GRID1: variants seen among roughly 807,000 people sequenced by gnomAD.
GRID1 encodes the protein glutamate ionotropic receptor delta type subunit 1, also known as glutamate receptor ionotropic, delta-1.
A neutral mutation model predicts 98.0 loss-of-function variants in GRID1; 28 were observed. The observed-to-expected ratio is 0.29, with a 90% confidence interval of 0.21 to 0.39. GRID1 has a LOEUF of 0.39. Among genes scored for constraint, GRID1 ranks in the 10% least tolerant of loss-of-function variants. GRID1 has a pLI of 1.00. For synonymous variants in GRID1, 553 were observed against 538.5 expected, an observed-to-expected ratio of 1.03 and a Z score of -0.37; for missense variants, 1,111 against 1,340.5, an observed-to-expected ratio of 0.83 and a Z score of 2.67.
At chr10:85,678,769 G>A (rs951107404) in intron 12 of GRID1, among the ~76,000 whole-genome samples, 3 of 151,740 alleles carry the variant, frequency 2.0e-5, no homozygotes, top group South Asian at 2.1e-4. Context: ...TGCCACCACC[G>A]CCTCTACAAT....
At chr10:85,824,501 C>T (rs1283782678) in intron 8 of GRID1, among the ~76,000 whole-genome samples, 2 of 152,230 alleles carry the variant, frequency 1.3e-5, no homozygotes, top group East Asian at 3.8e-4. Context: ...CATGTGCCAC[C>T]ATGCCCAGCC....
chr10:85,695,171 G>T (rs999889226), intron 12 of GRID1, among the ~76,000 whole-genome samples: 1 of 152,102 alleles, frequency 6.6e-6, no homozygotes, highest in Non-Finnish European at 1.5e-5. Flanking sequence ...AGTCCTCAAT[G>T]AGAGTCATCT....
At chr10:86,104,601 C>G (rs1297556537) in intron 4 of GRID1, among the ~76,000 whole-genome samples, 1 of 152,234 alleles carries the variant, frequency 6.6e-6, no homozygotes, top group Non-Finnish European at 1.5e-5. Context: ...GAGAACATTT[C>G]CATGCCATAC....
chr10:86,211,595 T>C (rs1234705278), intron 2 of GRID1, among the ~76,000 whole-genome samples: 1 of 152,130 alleles, frequency 6.6e-6, no homozygotes, highest in Non-Finnish European at 1.5e-5. Flanking sequence ...CATCCAGGCT[T>C]TTCCAGACAG....
chr10:85,803,762 A>T (rs1842597731), intron 8 of GRID1, among the ~76,000 whole-genome samples: 1 of 152,070 alleles, frequency 6.6e-6, no homozygotes, highest in Non-Finnish European at 1.5e-5. Context: ...GTTTTGATAC[A>T]AGCATCAATA....
intron 4 of GRID1, among the ~76,000 whole-genome samples, chr10:86,078,119 C>T (rs537638932): frequency 1.3e-5 from 2 of 152,374 alleles, no homozygotes; most frequent in South Asian, 2.1e-4. Context: ...CTGATCCTGC[C>T]CATCCATGGG....
chr10:86,161,747 G>C (rs1845326444), intron 3 of GRID1, among the ~76,000 whole-genome samples: 1 of 152,154 alleles, frequency 6.6e-6, no homozygotes, highest in East Asian at 1.9e-4. Context: ...TGGCTGACTT[G>C]CCTGAGCCAC....
At chr10:85,730,876 A>ATGCTGTGG (rs749007789) in intron 8 of GRID1, among the ~76,000 whole-genome samples, 18 of 152,156 alleles carry the variant, frequency 1.2e-4, no homozygotes, top group Non-Finnish European at 2.5e-4. Flanking sequence ...GCTGCTGCTA[A>ATGCTGTGG]TCCATGGACC....
At chr10:86,090,402 G>A (rs1473419212) in intron 4 of GRID1, among the ~76,000 whole-genome samples, 1 of 151,904 alleles carries the variant, frequency 6.6e-6, no homozygotes, top group Non-Finnish European at 1.5e-5. Flanking sequence ...AACACAGTGA[G>A]ACTGTGTCTT....
intron 12 of GRID1, among the ~76,000 whole-genome samples, chr10:85,684,480 A>G (rs1841246538): frequency 6.6e-6 from 1 of 152,172 alleles, no homozygotes. Context: ...TTAAAGTAGA[A>G]AAAACTATAA....
chr10:86,318,890 T>C (rs569062589), intron 2 of GRID1, among the ~76,000 whole-genome samples: 2 of 152,166 alleles, frequency 1.3e-5, no homozygotes, highest in South Asian at 4.2e-4. Flanking sequence ...AACAAGTAAA[T>C]ACATATACAT....
intron 5 of GRID1, among the ~76,000 whole-genome samples, chr10:85,905,887 C>A (rs922379286): frequency 1.3e-5 from 2 of 151,944 alleles, no homozygotes; most frequent in African/African-American, 4.8e-5. Context: ...AGAAGACAGC[C>A]TTGAACCTAA....
At chr10:85,843,920 C>CAATTGCTGTGTATA (rs1307906283) in intron 8 of GRID1, among the ~76,000 whole-genome samples, 1 of 151,998 alleles carries the variant, frequency 6.6e-6, no homozygotes, top group Non-Finnish European at 1.5e-5. Context: ...TATGACACAG[C>CAATTGCTGTGTATA]AATTGCACTC....
intron 12 of GRID1, among the ~76,000 whole-genome samples, chr10:85,705,933 A>AGC (rs1841511628): frequency 2.0e-5 from 3 of 152,226 alleles, no homozygotes; most frequent in African/African-American, 7.2e-5. Context: ...AAAAACTCTC[A>AGC]ATAAATTAGG....
chr10:85,901,132 T>A (rs1288288679), intron 5 of GRID1, among the ~76,000 whole-genome samples: 1 of 152,240 alleles, frequency 6.6e-6, no homozygotes, highest in Non-Finnish European at 1.5e-5. Context: ...TGTTTTTATT[T>A]ACTAAAGTAC....
intron 4 of GRID1, among the ~76,000 whole-genome samples, chr10:86,005,588 G>GTC (rs1177576188): frequency 6.6e-6 from 1 of 152,174 alleles, no homozygotes; most frequent in Non-Finnish European, 1.5e-5. Flanking sequence ...TAACCACCAG[G>GTC]ATGAGATAAG....
intron 5 of GRID1, among the ~76,000 whole-genome samples, chr10:85,877,414 G>A (rs1840910069): frequency 6.6e-6 from 1 of 152,134 alleles, no homozygotes; most frequent in South Asian, 2.1e-4. Flanking sequence ...ACTTCCAGAG[G>A]AACAATCAGG....
At chr10:85,848,715 A>G (rs1351194441) in intron 8 of GRID1, among the ~76,000 whole-genome samples, 2 of 152,178 alleles carry the variant, frequency 1.3e-5, no homozygotes, top group Non-Finnish European at 1.5e-5. Context: ...TGAACATTCT[A>G]CCCTTAATGG....
At chr10:85,729,712 G>A in intron 8 of GRID1, 98 bp from the exon 9 acceptor site, 1 of 703,468 alleles carries the variant, frequency 1.4e-6, no homozygotes, top group Admixed American at 2.3e-5. Context: ...TAGGCAGGTA[G>A]GTGAACAGTA....
Sources: allele counts gnomAD v4.1 joint callset (sites outside exome capture counted in the v4.1 genomes callset), GRCh38; gene constraint gnomAD v4.1.1; transcripts MANE v1.5; gene names NCBI Gene and HGNC (gene_info 2026-07-23, HGNC 2026-07-21).